The following CPSF2 variants were observed in gnomAD, a reference collection of about 807,000 sequenced individuals.
CPSF2 encodes the protein cleavage and polyadenylation specific factor 2.
In CPSF2, 51 loss-of-function variants were observed where a neutral mutation model predicts 84.2. That is an observed-to-expected ratio of 0.61 (90% CI 0.48 to 0.77). CPSF2 has a LOEUF of 0.77. Ranked by LOEUF, CPSF2 falls within the 30% of genes least tolerant of loss-of-function variation. The pLI, the probability that CPSF2 is intolerant of heterozygous loss-of-function variation, is 0.00. For synonymous variants in CPSF2, 286 were observed against 311.9 expected (o/e 0.92, Z 0.87); for missense variants, 641 against 929.4 (o/e 0.69, Z 4.03).
intron 9 of CPSF2, 114 bp from the exon 10 acceptor site, chr14:92,154,244 A>G (rs887051799): frequency 1.8e-5 from 11 of 626,732 alleles, no homozygotes; most frequent in Admixed American, 3.2e-5. Flanking sequence ...AGAGGAAACA[A>G]TCAGTTTAAA....
At chr14:92,142,010 A>G (rs985738526) in intron 7 of CPSF2, among the ~76,000 whole-genome samples, 154 bp from the exon 8 acceptor site, 6 of 152,218 alleles carry the variant, frequency 3.9e-5, no homozygotes, top group Non-Finnish European at 8.8e-5. Flanking sequence ...AGTTGTAATG[A>G]CCTGAACAAA....
Position 92,134,249 on chromosome 14 carries a change from G to A in CPSF2, c.310-1G>A. 6.2e-7 allele frequency: 1 copy of A among 1,612,662 alleles called. No individual in the cohort carries two copies. On this transcript the variant is annotated splice_acceptor_variant, in intron 4 of 15. Transcript: ENST00000298875. LOFTEE classifies it high-confidence loss of function. ...CACCTTTATTTGTGTTATTCTTTTA[G>A]TCTCGACACAATACAGAAGATTTTA...
rs1375197199 is a variant in CPSF2, at chr14:92,157,220, A to C, written c.1596-439A>C. Among the ~76,000 whole-genome samples, 1 of 152,050 alleles carries C rather than the reference A, an allele frequency of 6.6e-6. No individual in the cohort carries two copies. The highest frequency in any genetic ancestry group is 1.9e-4 in the East Asian group (1 of 5,192). On this transcript the variant is annotated intron_variant, in intron 12 of 15. Transcript: ENST00000298875. This position sits in a 1 kb window ranked among gnomAD's most constrained non-coding sequence, Gnocchi z 4.0. The stretch of plus-strand genomic sequence containing the variant: ...GGTGTAGATAAAATCTAAATAATAC[A>C]GATAGGGCCGGGCACGGTGGCTGAT...
Position 92,131,078 on chromosome 14 carries a change from T to C in CPSF2, c.94T>C (p.Leu32=), listed in dbSNP as rs367619373. The C allele has an allele frequency of 5.7e-5, 92 of 1,613,254 alleles. No individual in the cohort carries two copies. The highest frequency in any genetic ancestry group is 1.7e-4 in the Middle Eastern group (1 of 6,058). The change falls in exon 3 of 16, where the codon TTG becomes CTG. Residue 32 remains leucine (L), a synonymous_variant. Transcript: ENST00000298875. ...CCAAGTTGATGAGTTTAGATTTTTA[T>C]TGGACTGTGGCTGGGATGAGCACTT... ...LLQVDEFRFL[L]DCGWDEHFSM...
At chr14:92,125,660 C>A (rs1470569331) in intron 1 of CPSF2, among the ~76,000 whole-genome samples, 1 of 152,034 alleles carries the variant, frequency 6.6e-6, no homozygotes, top group Admixed American at 6.6e-5. Context: ...CCTTTCTGTT[C>A]ATTAGGCCTT....
chr14:92,141,592 T>A (rs1401371635), intron 7 of CPSF2, among the ~76,000 whole-genome samples: 1 of 152,184 alleles, frequency 6.6e-6, no homozygotes, highest in African/African-American at 2.4e-5. Context: ...CTTCCCAAAC[T>A]GCTGGGATTA....
At chr14:92,133,816 A>T (rs2068965746) in intron 3 of CPSF2, among the ~76,000 whole-genome samples, 195 bp from the exon 4 acceptor site, 1 of 152,294 alleles carries the variant, frequency 6.6e-6, no homozygotes, top group Non-Finnish European at 1.5e-5. Context: ...AGTGTACCTT[A>T]TACCACATTT....
chr14:92,158,023 G>GAAATTAGAA (rs2069314152), intron 13 of CPSF2, 139 bp downstream of exon 13: 1 of 630,952 alleles, frequency 1.6e-6, no homozygotes, highest in African/African-American at 1.8e-5. Flanking sequence ...AGGGTATGGG[G>GAAATTAGAA]CTTAGAACAA....
chr14:92,144,405 C>G (rs912372337), intron 9 of CPSF2, among the ~76,000 whole-genome samples: 11 of 152,192 alleles, frequency 7.2e-5, no homozygotes, highest in Non-Finnish European at 1.0e-4. Flanking sequence ...GTCTCCAGTT[C>G]TCCACCTCAA....
rs770435353 is a variant in CPSF2, at chr14:92,131,012, C to T, written c.28C>T (p.Leu10Phe). 6.2e-7 allele frequency: 1 copy of T among 1,611,558 alleles called. No homozygotes were observed. The highest frequency in any genetic ancestry group is 1.3e-5 in the African/African-American group (1 of 74,932). ...GACGTCTATTATCAAATTAACTACC[C>T]TTTCTGGGGTCCAAGAAGAATCTGC... MTSIIKLTT[L>F]SGVQEESALC... is the part of the protein sequence containing the mutation. Residue 10 changes from leucine to phenylalanine, a missense_variant, in exon 3 of 16, where the codon CTT becomes TTT. Coordinates refer to ENST00000298875, the MANE Select transcript of CPSF2 (RefSeq NM_017437.3).
At chr14:92,152,825 A>G in intron 9 of CPSF2, among the ~76,000 whole-genome samples, 1 of 152,176 alleles carries the variant, frequency 6.6e-6, no homozygotes. Context: ...GATAAATATA[A>G]CCCACAAAAA....
At chr14:92,126,873 T>C (rs1389510717) in intron 2 of CPSF2, among the ~76,000 whole-genome samples, 3 of 152,142 alleles carry the variant, frequency 2.0e-5, no homozygotes, top group Non-Finnish European at 4.4e-5. Flanking sequence ...ACAACCACTA[T>C]GTGCAGGGAT....
chr14:92,164,116 C>G lies in CPSF2; in HGVS notation c.*2372C>G, dbSNP rs1567029378. On this transcript the variant is annotated 3_prime_UTR_variant, in exon 16 of 16. Transcript: ENST00000298875. ...ATGTGAAGAAGGATGTGTTTGCTTCCCCTTCCACCATGATTGTAAGTTTCA... is the reference window on the plus strand; with the variant it reads ...ATGTGAAGAAGGATGTGTTTGCTTCGCCTTCCACCATGATTGTAAGTTTCA... 6.5e-6 allele frequency: 1 copy of G among 153,516 alleles called. No individual in the cohort carries two copies. The highest frequency in any genetic ancestry group is 1.9e-4 in the East Asian group (1 of 5,242). The allele number at this position is 153,516 out of a possible 1,614,324, so 9.5% of individuals were successfully genotyped here. A position where few individuals can be genotyped will look rare whatever the true frequency, so the allele number is the denominator to read the frequency against.
At chr14:92,143,687 C>T (rs2069108312) in intron 9 of CPSF2, among the ~76,000 whole-genome samples, 1 of 152,188 alleles carries the variant, frequency 6.6e-6, no homozygotes. Context: ...TTCCGTGCAG[C>T]CTCAAACTCC....
chr14:92,129,972 T>C (rs1036427838), intron 2 of CPSF2, among the ~76,000 whole-genome samples: 1 of 152,072 alleles, frequency 6.6e-6, no homozygotes, highest in Admixed American at 6.5e-5. Flanking sequence ...GGTCTCAAAC[T>C]CCTGAACTCT....
intron 9 of CPSF2, among the ~76,000 whole-genome samples, chr14:92,150,655 C>T (rs920017669): frequency 6.6e-6 from 1 of 152,048 alleles, no homozygotes; most frequent in African/African-American, 2.4e-5. Flanking sequence ...TCGAACTGGC[C>T]TCAAGCAATC....
intron 14 of CPSF2, among the ~76,000 whole-genome samples, chr14:92,159,963 T>TC (rs1173352928): frequency 1.3e-5 from 2 of 151,436 alleles, no homozygotes; most frequent in Non-Finnish European, 2.9e-5. Context: ...GTTTTTTTTT[T>TC]GTTTTGTTTT....
Position 92,167,712 on chromosome 14 carries a change from TC to T in CPSF2, c.*5970del, listed in dbSNP as rs1426720619. On this transcript the variant is annotated 3_prime_UTR_variant, in exon 16 of 16. Coordinates refer to ENST00000298875, the MANE Select transcript of CPSF2 (RefSeq NM_017437.3). ...AGATTGATTTCTATTCTATACTGTG[TC>T]CAGTAAAGGTCGGGGGAGAAAGAGT... is the stretch of plus-strand genomic sequence containing the variant. The T allele has an allele frequency of 6.6e-6, 1 of 152,162 alleles. No individual in the cohort carries two copies. Among genetic ancestry groups the T allele is most frequent in the Non-Finnish European group, 1.5e-5 (1 of 68,032 alleles). 9.4% of individuals were successfully genotyped at this position (152,162 alleles called of 1,614,324 possible). A position where few individuals can be genotyped will look rare whatever the true frequency, so the allele number is the denominator to read the frequency against.
chr14:92,136,113 T>G (rs1302846508), intron 6 of CPSF2, among the ~76,000 whole-genome samples: 1 of 152,246 alleles, frequency 6.6e-6, no homozygotes, highest in Non-Finnish European at 1.5e-5. Flanking sequence ...TAGTTATGAT[T>G]TTACACACTT....
Sources: gnomAD v4.1 joint callset for allele counts (sites outside exome capture counted in the v4.1 genomes callset) on GRCh38, gnomAD v4.1.1 for gene constraint, Gnocchi (gnomAD v3.1) non-coding constraint, MANE v1.5 for transcripts, NCBI Gene and HGNC (gene_info 2026-07-23, HGNC 2026-07-21) for gene names.